Variants in GLI3 observed in about 807,000 individuals in gnomAD.
GLI3 encodes the protein GLI family zinc finger 3, also known as transcription activator GLI3.
Under a neutral mutation model 100.8 loss-of-function variants are expected in GLI3, and 20 were observed. The observed-to-expected ratio is 0.20, with a 90% CI of 0.14 to 0.29. The LOEUF (loss-of-function observed/expected upper bound fraction) is 0.29, where lower values mean the gene tolerates loss of function less well. Among genes scored for constraint, GLI3 ranks in the 10% least tolerant of loss-of-function variants. GLI3 has a pLI of 1.00. For synonymous variants in GLI3, 938 were observed against 860.5 expected (o/e 1.09, Z -1.58); for missense variants, 2,040 against 2,128.5 (o/e 0.96, Z 0.82).
chr7:42,150,972 T>C (rs1459737613), intron 2 of GLI3, among the ~76,000 whole-genome samples: 2 of 152,172 alleles, frequency 1.3e-5, no homozygotes, highest in Non-Finnish European at 2.9e-5. Flanking sequence ...TCAATGATTT[T>C]CTTAATGAGA....
chr7:42,001,389 A>T (rs1195904341), intron 10 of GLI3, among the ~76,000 whole-genome samples: 1 of 152,118 alleles, frequency 6.6e-6, no homozygotes, highest in East Asian at 1.9e-4. Flanking sequence ...ACCTGACCAT[A>T]TTCTCCTCTT....
intron 2 of GLI3, among the ~76,000 whole-genome samples, chr7:42,184,369 C>T (rs766572529): frequency 6.6e-6 from 1 of 152,158 alleles, no homozygotes; most frequent in Non-Finnish European, 1.5e-5. Context: ...GTCTCAGGGT[C>T]CCTCAATCAC....
intron 10 of GLI3, among the ~76,000 whole-genome samples, chr7:42,010,806 C>A (rs1220443062): frequency 6.6e-6 from 1 of 152,156 alleles, no homozygotes; most frequent in Non-Finnish European, 1.5e-5. Context: ...AGTAGCAAAC[C>A]ACTCACTAAT....
At position 41,963,496 on chromosome 7, in the gene GLI3, C is replaced by T. The variant is rs1483266188; in HGVS notation, c.*834G>A. ...AAGTAGCAATGTGGCTGAGTGTCAC[C>T]AACTGTCCGTCCCTTCTCTCTAACT... On this transcript the variant is annotated 3_prime_UTR_variant, in exon 15 of 15. Coordinates refer to ENST00000395925, the MANE Select transcript of GLI3 (RefSeq NM_000168.6). 2 of 152,162 alleles carry T rather than the reference C, an allele frequency of 1.3e-5. No homozygotes were observed. The highest frequency in any genetic ancestry group is 3.8e-4 in the East Asian group (2 of 5,198). 9.4% of individuals were successfully genotyped at this position (152,162 alleles called of 1,614,324 possible). A position where few individuals can be genotyped will look rare whatever the true frequency, so the allele number is the denominator to read the frequency against.
At chr7:42,071,756 T>C (rs998403366) in intron 4 of GLI3, among the ~76,000 whole-genome samples, 1 of 152,204 alleles carries the variant, frequency 6.6e-6, no homozygotes, top group Non-Finnish European at 1.5e-5. Context: ...CTCATCTCCC[T>C]GCTCTCATCC....
At chr7:41,973,720 T>C (rs1304606561) in intron 12 of GLI3, among the ~76,000 whole-genome samples, 2 of 152,210 alleles carry the variant, frequency 1.3e-5, no homozygotes, top group East Asian at 3.8e-4. Flanking sequence ...TTGTAGAATG[T>C]ATGTCTAAAA....
At position 42,247,615 on chromosome 7, in the gene GLI3, G is replaced by A. The variant is rs141181144; in HGVS notation, c.-43+16379C>T. Among the ~76,000 whole-genome samples the A allele has an allele frequency of 5.3e-5, 8 of 152,338 alleles. No homozygotes were observed. The South Asian group carries it at 1.5e-3, about 28-fold the overall frequency. On this transcript the variant is annotated intron_variant, in intron 1 of 2. Transcript: ENST00000678978. ...GTGTAAGTTTGTGGTGCATGGTCCAGTACTTCATTCTATGACTGGTTGACT... is the reference window on the plus strand; with the variant it reads ...GTGTAAGTTTGTGGTGCATGGTCCAATACTTCATTCTATGACTGGTTGACT...
intron 1 of GLI3, among the ~76,000 whole-genome samples, chr7:42,231,280 A>G (rs943035524): frequency 1.3e-5 from 2 of 152,220 alleles, no homozygotes; most frequent in Non-Finnish European, 2.9e-5. Context: ...ACTACTTACC[A>G]TATTTTATCC....
At chr7:41,978,800 C>G in intron 10 of GLI3, 52 bp from the exon 11 acceptor site, 2 of 1,542,134 alleles carry the variant, frequency 1.3e-6, no homozygotes, top group South Asian at 2.2e-5. Flanking sequence ...TTCATCATTT[C>G]TGAAGGCGAC....
intron 12 of GLI3, among the ~76,000 whole-genome samples, chr7:41,975,735 A>C (rs1030066940): frequency 2.0e-5 from 3 of 152,206 alleles, no homozygotes; most frequent in African/African-American, 7.2e-5. Flanking sequence ...TAAAAAGACA[A>C]AAAAGCTTGG....
intron 2 of GLI3, among the ~76,000 whole-genome samples, chr7:42,182,126 T>A (rs1787605411): frequency 6.6e-6 from 1 of 152,202 alleles, no homozygotes; most frequent in Non-Finnish European, 1.5e-5. Context: ...CACTGTCCAA[T>A]AGCACTTTCT....
upstream of GLI3, among the ~76,000 whole-genome samples, chr7:42,239,632 C>T (rs1473531883): frequency 2.0e-5 from 3 of 152,190 alleles, no homozygotes; most frequent in Non-Finnish European, 4.4e-5. Flanking sequence ...GATATTTCGA[C>T]TCTTACTTCA....
In GLI3 at chr7:42,167,355, T is replaced by C. The variant is rs367771342; in HGVS notation, c.125-18887A>G. ...CAGCATTGATTTTCCATCTGTTCCA[T>C]GCTCAAGGGAGTTGCTGTGGAGGTT... On this transcript the variant is annotated intron_variant, in intron 2 of 14. Coordinates refer to ENST00000395925, the MANE Select transcript of GLI3 (RefSeq NM_000168.6). Among the ~76,000 whole-genome samples the C allele has an allele frequency of 1.2e-4, 19 of 152,294 alleles. No individual in the cohort carries two copies. The South Asian group carries it at 3.7e-3, about 30-fold the overall frequency.
intron 4 of GLI3, among the ~76,000 whole-genome samples, chr7:42,068,232 T>C (rs1784714328): frequency 1.3e-5 from 2 of 152,230 alleles, no homozygotes; most frequent in South Asian, 4.1e-4. Context: ...TGTCACCAAA[T>C]TAGCTAAGTC....
intron 10 of GLI3, among the ~76,000 whole-genome samples, chr7:42,005,347 T>C (rs998179808): frequency 2.0e-5 from 3 of 152,090 alleles, no homozygotes; most frequent in Non-Finnish European, 2.9e-5. Flanking sequence ...GTGACTATAA[T>C]GTTTGCCATA....
At chr7:42,039,582 T>G (rs1784088329) in intron 7 of GLI3, among the ~76,000 whole-genome samples, 1 of 152,222 alleles carries the variant, frequency 6.6e-6, no homozygotes, top group South Asian at 2.1e-4. Context: ...TCCTGCTGTT[T>G]CTCTCTCCCT....
intron 3 of GLI3, among the ~76,000 whole-genome samples, chr7:42,140,808 C>A (rs1420556423): frequency 6.6e-6 from 1 of 151,926 alleles, no homozygotes. Flanking sequence ...TTTAATTATA[C>A]AAGAAAAAGG....
intron 13 of GLI3, 29 bp from the exon 14 acceptor site, chr7:41,967,952 A>G: frequency 1.3e-6 from 2 of 1,578,706 alleles, no homozygotes; most frequent in Non-Finnish European, 1.7e-6. Flanking sequence ...AAGGAAAGAA[A>G]TGTCACCAGG....
At chr7:42,005,892 T>G (rs904553609) in intron 10 of GLI3, among the ~76,000 whole-genome samples, 7 of 151,974 alleles carry the variant, frequency 4.6e-5, no homozygotes, top group Non-Finnish European at 1.5e-5. Context: ...ATGAGGCTGT[T>G]TTCAGGGCGT....
Sources: gnomAD v4.1 joint callset for allele counts (sites outside exome capture counted in the v4.1 genomes callset) on GRCh38, gnomAD v4.1.1 for gene constraint, MANE v1.5 for transcripts, NCBI Gene and HGNC (gene_info 2026-07-23, HGNC 2026-07-21) for gene names.